The following SNTG2 variants were observed in gnomAD, a reference collection of about 807,000 sequenced individuals.
The protein encoded by SNTG2 is gamma-2-syntrophin.
SNTG2 carries 74 observed loss-of-function variants against 70.9 expected under a neutral mutation model. That is an observed-to-expected ratio of 1.04 (90% CI 0.86 to 1.27). The LOEUF is 1.27. Ranked by LOEUF, SNTG2 falls within the 50% of genes most tolerant of loss-of-function variation. The pLI, the probability that SNTG2 is intolerant of heterozygous loss-of-function variation, is 0.00. For synonymous variants in SNTG2, 278 were observed against 273.8 expected (o/e 1.02, Z -0.15); for missense variants, 717 against 690.7 (o/e 1.04, Z -0.43).
intron 1 of SNTG2, among the ~76,000 whole-genome samples, chr2:1,001,474 T>C (rs1427336013): frequency 6.6e-6 from 1 of 151,938 alleles, no homozygotes; most frequent in East Asian, 1.9e-4. Context: ...ACAACAATAA[T>C]GATCAAGCTG....
chr2:1,332,400 A>C (rs890668581), intron 16 of SNTG2, among the ~76,000 whole-genome samples: 1 of 152,216 alleles, frequency 6.6e-6, no homozygotes, highest in Non-Finnish European at 1.5e-5. Flanking sequence ...AGATAGAGAA[A>C]GACGGAATCC....
chr2:1,311,380 A>G (rs566593693), intron 15 of SNTG2, among the ~76,000 whole-genome samples: 6 of 152,254 alleles, frequency 3.9e-5, no homozygotes. Flanking sequence ...AAAATAGCAC[A>G]TGACAACATA....
intron 8 of SNTG2, among the ~76,000 whole-genome samples, chr2:1,208,532 G>T (rs1673815001): frequency 6.6e-6 from 1 of 152,142 alleles, no homozygotes; most frequent in Non-Finnish European, 1.5e-5. Context: ...GCTGCTGCGT[G>T]GTGCTGTGGT....
chr2:974,140 C>T (rs1244162580), intron 1 of SNTG2, among the ~76,000 whole-genome samples: 2 of 152,102 alleles, frequency 1.3e-5, no homozygotes, highest in African/African-American at 4.8e-5. Context: ...CCGGATGTTA[C>T]CGAGAGTGTT....
chr2:957,181 T>G (rs1452527022), intron 1 of SNTG2, among the ~76,000 whole-genome samples: 1 of 152,234 alleles, frequency 6.6e-6, no homozygotes, highest in Non-Finnish European at 1.5e-5. Context: ...TTGGTCATAG[T>G]TAGCATAGGT....
intron 1 of SNTG2, among the ~76,000 whole-genome samples, chr2:1,052,424 C>T (rs1662127482): frequency 1.3e-5 from 2 of 152,174 alleles, no homozygotes; most frequent in African/African-American, 2.4e-5. Flanking sequence ...TTCTTGTGTG[C>T]TTTTCATATC....
intron 1 of SNTG2, among the ~76,000 whole-genome samples, chr2:976,091 A>T (rs1660898999): frequency 6.6e-6 from 1 of 152,194 alleles, no homozygotes; most frequent in African/African-American, 2.4e-5. Flanking sequence ...TGTGGCTTAG[A>T]ATGCATTTGA....
At chr2:1,146,478 C>A (rs1194592122) in intron 6 of SNTG2, among the ~76,000 whole-genome samples, 1 of 152,154 alleles carries the variant, frequency 6.6e-6, no homozygotes, top group East Asian at 1.9e-4. Flanking sequence ...TTCTCTCCAA[C>A]TTGATCTGTA....
At chr2:951,318 TC>T (rs914971358) in intron 1 of SNTG2, among the ~76,000 whole-genome samples, 1 of 152,214 alleles carries the variant, frequency 6.6e-6, no homozygotes, top group African/African-American at 2.4e-5. Context: ...TCCAGCGTCT[TC>T]CAAGGTTTGG....
chr2:1,016,974 A>C (rs892506542), intron 1 of SNTG2, among the ~76,000 whole-genome samples: 3 of 152,150 alleles, frequency 2.0e-5, no homozygotes, highest in African/African-American at 7.2e-5. Context: ...TGTGGCTGGT[A>C]AGAGGTTCAG....
At chr2:1,316,157 T>G in intron 15 of SNTG2, 108 bp from the exon 16 acceptor site, 1 of 593,280 alleles carries the variant, frequency 1.7e-6, no homozygotes, top group South Asian at 2.3e-5. Flanking sequence ...ATTTAAACAT[T>G]AAGTGAATGT....
intron 1 of SNTG2, among the ~76,000 whole-genome samples, chr2:1,070,923 G>A (rs1166493785): frequency 6.6e-6 from 1 of 152,198 alleles, no homozygotes; most frequent in African/African-American, 2.4e-5. Flanking sequence ...GCCTGCTGCT[G>A]GTGAACTGGC....
chr2:957,513 CCA>C (rs1316089229), intron 1 of SNTG2, among the ~76,000 whole-genome samples: 2 of 152,076 alleles, frequency 1.3e-5, no homozygotes, highest in Admixed American at 1.3e-4. Flanking sequence ...CTATTAATTG[CCA>C]CACACTGAGC....
chr2:1,129,429 G>A (rs913963490), intron 4 of SNTG2, among the ~76,000 whole-genome samples: 2 of 152,144 alleles, frequency 1.3e-5, no homozygotes, highest in Admixed American at 6.5e-5. Flanking sequence ...TCCTTCCCAG[G>A]GAAATGTGTC....
intron 11 of SNTG2, chr2:1,242,711 AAC>A (rs1201877118): frequency 6.6e-6 from 1 of 152,152 alleles, no homozygotes; most frequent in Non-Finnish European, 1.5e-5. Flanking sequence ...AACCCTAAAT[AAC>A]ACAGGTAATT....
At chr2:1,227,890 C>A (rs188939884) in intron 9 of SNTG2, among the ~76,000 whole-genome samples, 1 of 152,190 alleles carries the variant, frequency 6.6e-6, no homozygotes, top group Non-Finnish European at 1.5e-5. Context: ...CACCAAACAC[C>A]GCTCTGCTGG....
At chr2:1,162,618 G>T (rs1205062214) in intron 6 of SNTG2, among the ~76,000 whole-genome samples, 1 of 152,152 alleles carries the variant, frequency 6.6e-6, no homozygotes, top group Non-Finnish European at 1.5e-5. Context: ...CCAGGGACGA[G>T]GGCTTGCAGG....
At chr2:981,304 C>T (rs561322661) in intron 1 of SNTG2, among the ~76,000 whole-genome samples, 1 of 152,302 alleles carries the variant, frequency 6.6e-6, no homozygotes, top group African/African-American at 2.4e-5. Context: ...CCTGTTGATT[C>T]ACATGAAATA....
In SNTG2 at chr2:1,125,339, T is replaced by TA. The variant is rs1572504558; in HGVS notation, c.326-12280dup. Among the ~76,000 whole-genome samples, 3 of 152,326 alleles carry TA rather than the reference T, an allele frequency of 2.0e-5. No homozygotes were observed. In the East Asian group the frequency reaches 5.8e-4, roughly 29 times the overall value. ...AAAGTAGAGATTTTTTGTCCTTTTT[T>TA]AAATCAAGAGTGTGTAACAGGAAGC... On this transcript the variant is annotated intron_variant, in intron 4 of 16. Coordinates refer to ENST00000308624, the MANE Select transcript of SNTG2 (RefSeq NM_018968.4).
Sources: gnomAD v4.1 joint callset for allele counts (sites outside exome capture counted in the v4.1 genomes callset) on GRCh38, gnomAD v4.1.1 for gene constraint, MANE v1.5 for transcripts, NCBI Gene and HGNC (gene_info 2026-07-23, HGNC 2026-07-21) for gene names.